Variants in CFAP47 observed in about 807,000 individuals in gnomAD.
CFAP47 encodes cilia- and flagella-associated protein 47.
Under a neutral mutation model 148.1 loss-of-function variants are expected in CFAP47, and 29 were observed. The ratio of observed to expected loss-of-function variants is 0.20; its 90% confidence interval spans 0.15 to 0.27. The LOEUF is 0.27. Among genes scored for constraint, CFAP47 ranks in the 10% least tolerant of loss-of-function variants. CFAP47 has a pLI of 1.00. For missense variants in CFAP47, 1,872 were observed against 1,697.5 expected (o/e 1.10, Z -1.81); for synonymous variants, 664 against 577.3 (o/e 1.15, Z -2.15).
intron 29 of CFAP47, among the ~76,000 whole-genome samples, chrX:36,084,555 T>G (rs1298025562): frequency 8.9e-6 from 1 of 111,861 alleles, no homozygotes; most frequent in Non-Finnish European, 1.9e-5. Context: ...CGGGTACTTA[T>G]TTGTCAATCT....
Position 36,262,014 on chromosome X carries a change from C to T in CFAP47, c.7444+10570C>T, listed in dbSNP as rs1940834089. On this transcript the variant is annotated intron_variant, in intron 49 of 63. Transcript: ENST00000378653. Reference sequence around the variant, plus strand: ...CCGGGCGGGGGCTGACCCCCCACCTCCTGTAGTATAGTTTCAAGTCAGGTA... The same window carrying T: ...CCGGGCGGGGGCTGACCCCCCACCTTCTGTAGTATAGTTTCAAGTCAGGTA... Among the ~76,000 whole-genome samples the T allele has an allele frequency of 4.5e-5, 5 of 112,018 alleles. No homozygotes were observed. In the South Asian group the frequency reaches 1.8e-3, roughly 41 times the overall value.
intron 30 of CFAP47, among the ~76,000 whole-genome samples, chrX:36,087,881 AT>A (rs1340396695): frequency 9.0e-6 from 1 of 111,177 alleles, no homozygotes; most frequent in Non-Finnish European, 1.9e-5. Context: ...AACAACGTAA[AT>A]TTTTTTTCTC....
intron 18 of CFAP47, among the ~76,000 whole-genome samples, chrX:35,995,728 G>A (rs891438986): frequency 9.0e-6 from 1 of 111,340 alleles, no homozygotes; most frequent in African/African-American, 3.3e-5. Flanking sequence ...GAAGGCTAAC[G>A]ATTCATCATA....
rs1377583832 is a variant in CFAP47 at position 36,302,453 on chromosome X, C to T, written c.7970+1274C>T. ...TACCTAATTTTCCTCTGTCACAAGG[C>T]CATGACATTGTGAAAAACAATATAT... On this transcript the variant is annotated intron_variant, in intron 53 of 63. Coordinates refer to ENST00000378653, the MANE Select transcript of CFAP47 (RefSeq NM_001304548.2). 3.6e-5 allele frequency among the ~76,000 whole-genome samples: 4 copies of T among 111,493 alleles called. No individual in the cohort carries two copies. The Admixed American group carries it at 3.8e-4, about 11-fold the overall frequency.
chrX:36,327,427 C>T (rs1340227521), intron 57 of CFAP47, among the ~76,000 whole-genome samples: 4 of 112,181 alleles, frequency 3.6e-5, no homozygotes, highest in Non-Finnish European at 5.6e-5. Context: ...TACCATCTCA[C>T]GCTAGTCAGA....
intron 26 of CFAP47, among the ~76,000 whole-genome samples, chrX:36,061,542 A>T (rs1026667452): frequency 1.8e-5 from 2 of 112,313 alleles, no homozygotes; most frequent in South Asian, 7.4e-4. Flanking sequence ...CTTAATTGAC[A>T]TGAAGTAATA....
chrX:36,248,112 T>A (rs1429876534), intron 48 of CFAP47, among the ~76,000 whole-genome samples: 2 of 107,583 alleles, frequency 1.9e-5, no homozygotes, highest in Admixed American at 1.0e-4. Context: ...TATATACATG[T>A]ATATGTATGT....
chrX:35,930,010 AAAAC>A (rs759592663), intron 2 of CFAP47, among the ~76,000 whole-genome samples: 11 of 110,865 alleles, frequency 9.9e-5, no homozygotes, highest in African/African-American at 3.6e-4. Context: ...AAAACAAAAC[AAAAC>A]AAACAAACAA....
intron 39 of CFAP47, among the ~76,000 whole-genome samples, chrX:36,163,455 CT>C (rs1015302102): frequency 9.2e-6 from 1 of 109,136 alleles, no homozygotes; most frequent in African/African-American, 3.3e-5. Flanking sequence ...TTAGATGTCT[CT>C]TTTTTTTCTC....
intron 8 of CFAP47, among the ~76,000 whole-genome samples, chrX:35,961,869 A>G (rs1357777327): frequency 9.0e-6 from 1 of 111,273 alleles, no homozygotes; most frequent in East Asian, 2.8e-4. Context: ...CTCACTTTGA[A>G]CTTACTTTGT....
chrX:36,048,167 C>T (rs1354317570), intron 26 of CFAP47, among the ~76,000 whole-genome samples: 1 of 111,858 alleles, frequency 8.9e-6, no homozygotes, highest in Non-Finnish European at 1.9e-5. Flanking sequence ...ATGAGGTCTT[C>T]CAGAAAGGAA....
Position 36,236,105 on chromosome X carries a change from T to C in CFAP47, c.7158+28T>C, listed in dbSNP as rs200095150. 83 of 429,429 alleles carry C rather than the reference T, an allele frequency of 1.9e-4. No homozygotes were observed. In the South Asian group the frequency reaches 3.7e-3, roughly 19 times the overall value. The allele number at this position is 429,429 out of a possible 1,213,427, so 35.4% of individuals were successfully genotyped here. ...ATGAACTCCTTGATATTTTCCCCAGTATTAATTAATAGTATCATTAGTTAA... is the reference window on the plus strand; with the variant it reads ...ATGAACTCCTTGATATTTTCCCCAGCATTAATTAATAGTATCATTAGTTAA... On this transcript the variant is annotated intron_variant, in intron 47 of 63. Coordinates refer to ENST00000378653, the MANE Select transcript of CFAP47 (RefSeq NM_001304548.2).
chrX:35,965,213 C>A (rs780486502), intron 8 of CFAP47, among the ~76,000 whole-genome samples: 1 of 111,622 alleles, frequency 9.0e-6, no homozygotes, highest in Non-Finnish European at 1.9e-5. Context: ...AGTCTCTACT[C>A]AGTTAATTTA....
At chrX:36,113,574 A>G (rs1048832014) in intron 33 of CFAP47, among the ~76,000 whole-genome samples, 1 of 111,119 alleles carries the variant, frequency 9.0e-6, no homozygotes, top group Non-Finnish European at 1.9e-5. Context: ...CTTGTGGATT[A>G]CCTTCTTGTG....
chrX:36,130,078 G>C (rs1192026524), intron 33 of CFAP47, among the ~76,000 whole-genome samples: 1 of 110,883 alleles, frequency 9.0e-6, no homozygotes, highest in African/African-American at 3.3e-5. Context: ...TTTTTAAAAA[G>C]TCAAATGTAA....
chrX:36,131,461 A>T (rs948996310), intron 33 of CFAP47, among the ~76,000 whole-genome samples: 2 of 110,715 alleles, frequency 1.8e-5, no homozygotes, highest in African/African-American at 6.5e-5. Flanking sequence ...AAACTGCTAT[A>T]AAAAAAAGTC....
chrX:36,036,486 G>C (rs1401378264), intron 24 of CFAP47, among the ~76,000 whole-genome samples: 2 of 110,369 alleles, frequency 1.8e-5, no homozygotes, highest in African/African-American at 6.6e-5. Context: ...TCTGGCTATT[G>C]TGAATATTGC....
intron 52 of CFAP47, 125 bp downstream of exon 52, chrX:36,299,277 C>T (rs1323085056): frequency 1.6e-5 from 6 of 382,999 alleles, no homozygotes; most frequent in Non-Finnish European, 2.5e-5. Flanking sequence ...TTGTTTAATA[C>T]TAGTCCCTGA....
At chrX:36,376,146 A>C (rs1290440342) in intron 62 of CFAP47, among the ~76,000 whole-genome samples, 1 of 112,322 alleles carries the variant, frequency 8.9e-6, no homozygotes, top group Non-Finnish European at 1.9e-5. Context: ...TCTACTGGGA[A>C]GATTTTCACC....
Sources: allele counts gnomAD v4.1 joint callset (sites outside exome capture counted in the v4.1 genomes callset), GRCh38; gene constraint gnomAD v4.1.1; transcripts MANE v1.5; gene names NCBI Gene and HGNC (gene_info 2026-07-23, HGNC 2026-07-21).